The following SASH1 variants were observed in gnomAD, a reference collection of about 807,000 sequenced individuals.
The protein encoded by SASH1 is SAM and SH3 domain containing 1.
A neutral mutation model predicts 125.2 loss-of-function variants in SASH1; 44 were observed. That is an observed-to-expected ratio of 0.35 (90% CI 0.28 to 0.45). The LOEUF (loss-of-function observed/expected upper bound fraction) is 0.45. Ranked by LOEUF, SASH1 falls within the 20% of genes least tolerant of loss-of-function variation. SASH1 has a pLI of 1.00. For synonymous variants in SASH1, 639 were observed against 649.1 expected (o/e 0.98, Z 0.24); for missense variants, 1,426 against 1,614.5 (o/e 0.88, Z 2.00).
intron 1 of SASH1, among the ~76,000 whole-genome samples, chr6:148,299,671 G>GAAAAAAAAAAAA (rs57758957): frequency 0.054 from 6,090 of 113,658 alleles, 195 homozygotes; most frequent in African/African-American, 0.082. Context: ...CACCTCAAAA[G>GAAAAAAAAAAAA]AAAAAAAAAA....
chr6:148,405,632 C>A (rs1009689487), intron 2 of SASH1, among the ~76,000 whole-genome samples: 1 of 152,260 alleles, frequency 6.6e-6, no homozygotes, highest in South Asian at 2.1e-4. Flanking sequence ...CACCTAGAGC[C>A]CATCCTCACT....
At chr6:148,214,562 A>G in the SASH1 span, among the ~76,000 whole-genome samples, 1 of 152,170 alleles carries the variant, frequency 6.6e-6, no homozygotes, top group Non-Finnish European at 1.5e-5. Flanking sequence ...CTAGTTCAAT[A>G]TGTGTTTTCT....
Position 148,390,250 on chromosome 6 carries a change from G to C in SASH1, c.273G>C (p.Gln91His), listed in dbSNP as rs1416287531. The C allele has an allele frequency of 6.2e-7, 1 of 1,611,324 alleles. No homozygotes were observed. Among genetic ancestry groups the C allele is most frequent in the South Asian group, 1.1e-5 (1 of 90,962 alleles). The change falls in exon 2 of 20, where the codon CAG (glutamine) becomes CAC (histidine). Residue 91 changes from glutamine (Q) to histidine (H), a missense_variant. Around this residue, in one of 3 missense-constraint regions of SASH1, gnomAD observed 567 missense variants for 575.6 expected, o/e 0.99. Transcript: ENST00000367467. ...MEELRKRRVS[Q>H]DLEVEKPDAS... The stretch of plus-strand genomic sequence containing the variant: ...AGCTGCGGAAACGGCGGGTTTCCCA[G>C]GACCTGGAAGTGGTGAGTGGGGGTC...
At chr6:148,297,404 A>C (rs776446491) in intron 1 of SASH1, among the ~76,000 whole-genome samples, 5 of 152,236 alleles carry the variant, frequency 3.3e-5, no homozygotes, top group Non-Finnish European at 7.3e-5. Context: ...TTAAGATGAG[A>C]ACAATGATAC....
chr6:148,490,241 C>T (rs565559002), intron 8 of SASH1, among the ~76,000 whole-genome samples: 1 of 151,496 alleles, frequency 6.6e-6, no homozygotes, highest in South Asian at 2.1e-4. Flanking sequence ...AAGAGTATTG[C>T]TCTGTCACCC....
At chr6:148,514,011 G>T in intron 8 of SASH1, 1 of 1,033,602 alleles carries the variant, frequency 9.7e-7, no homozygotes, top group Non-Finnish European at 1.2e-6. Context: ...ATCGGAGGGA[G>T]AGTCCTGCTG....
At chr6:148,366,971 C>T (rs1272838573) in intron 1 of SASH1, among the ~76,000 whole-genome samples, 1 of 125,320 alleles carries the variant, frequency 8.0e-6, no homozygotes, top group Non-Finnish European at 1.6e-5. Flanking sequence ...TAGTGGGTAG[C>T]TTTTTTTTTT....
rs750769060 is a variant in SASH1, at chr6:148,546,134, G to A, written c.3468G>A (p.Gln1156=). The A allele has an allele frequency of 6.1e-5, 98 of 1,613,944 alleles. No homozygotes were observed. Among genetic ancestry groups the A allele is most frequent in the Non-Finnish European group, 5.9e-5 (70 of 1,179,984 alleles). ...DQIRVKQLRK[Q]HRMAIPSGGL... is the part of the protein sequence containing the mutation. ...TCCGGGTGAAGCAGCTTCGGAAGCA[G>A]CACCGCATGGCGGTGAGCAGCCCAC... Residue 1156 remains glutamine, a synonymous_variant, in exon 19 of 20, where the codon CAG becomes CAA. Coordinates refer to ENST00000367467, the MANE Select transcript of SASH1 (RefSeq NM_015278.5).
At chr6:148,463,201 G>A (rs1777693594) in intron 4 of SASH1, among the ~76,000 whole-genome samples, 1 of 151,668 alleles carries the variant, frequency 6.6e-6, no homozygotes, top group African/African-American at 2.4e-5. Flanking sequence ...CTGGAGTGCA[G>A]TGGCGCAATC....
rs754091249 is a variant in SASH1, at chr6:148,527,562, T to A, written c.1394T>A (p.Met465Lys). The A allele has an allele frequency of 1.2e-6, 2 of 1,611,052 alleles. No individual in the cohort carries two copies. Among genetic ancestry groups the A allele is most frequent in the Non-Finnish European group, 1.7e-6 (2 of 1,179,210 alleles). ...KSVKETMRKR[M>K]SKKYSSSVSE... The stretch of plus-strand genomic sequence containing the variant: ...GTGAAAGAGACGATGAGAAAGAGAA[T>A]GTCTAAAAAATACAGCAGCTCTGTC... The change falls in exon 12 of 20, where the codon ATG becomes AAG. Residue 465 changes from methionine (M) to lysine (K), a missense_variant. Met to Lys is a moderately conservative substitution (Grantham distance 95). This residue lies in a region of SASH1 where 225 missense variants were observed against 344.5 expected (regional missense o/e 0.65). Coordinates refer to ENST00000367467, the MANE Select transcript of SASH1 (RefSeq NM_015278.5).
chr6:148,309,107 T>C (rs562198270), intron 1 of SASH1, among the ~76,000 whole-genome samples: 4 of 125,388 alleles, frequency 3.2e-5, no homozygotes, highest in African/African-American at 1.2e-4. Flanking sequence ...AAAAAAAGAT[T>C]CTCTTTCTCT....
At chr6:148,491,064 T>C (rs17642486) in intron 8 of SASH1, among the ~76,000 whole-genome samples, 9,570 of 152,296 alleles carry the variant, frequency 0.063, 411 homozygotes, top group African/African-American at 0.12. Context: ...AGCGTATTTA[T>C]TGCTACCTAT....
At chr6:148,209,188 T>C in the SASH1 span, among the ~76,000 whole-genome samples, 1 of 152,274 alleles carries the variant, frequency 6.6e-6, no homozygotes, top group African/African-American at 2.4e-5. Flanking sequence ...AGTGTGAATC[T>C]GATGCCAGAT....
intron 2 of SASH1, among the ~76,000 whole-genome samples, chr6:148,403,318 T>C (rs1784250864): frequency 6.6e-6 from 1 of 152,024 alleles, no homozygotes; most frequent in African/African-American, 2.4e-5. Flanking sequence ...TTGCCTGGTC[T>C]GGCCTCGAAC....
At chr6:148,358,711 T>G (rs1782050903) in intron 1 of SASH1, among the ~76,000 whole-genome samples, 1 of 151,750 alleles carries the variant, frequency 6.6e-6, no homozygotes, top group Non-Finnish European at 1.5e-5. Context: ...TTTGGTTTCC[T>G]GTTTCCTAAT....
chr6:148,222,491 C>A, the SASH1 span, among the ~76,000 whole-genome samples: 8 of 152,008 alleles, frequency 5.3e-5, 1 homozygote, highest in African/African-American at 1.9e-4. Context: ...CACTTCAAAT[C>A]GCTTCTGCCC....
intron 9 of SASH1, 149 bp downstream of exon 9, chr6:148,514,605 G>A (rs1780339184): frequency 2.9e-6 from 3 of 1,030,778 alleles, no homozygotes; most frequent in Non-Finnish European, 4.0e-6. Flanking sequence ...GCAGGACTAT[G>A]CCTGCCAGCA....
At chr6:148,537,293 C>G (rs1270149767) in intron 16 of SASH1, among the ~76,000 whole-genome samples, 3 of 152,172 alleles carry the variant, frequency 2.0e-5, no homozygotes, top group Non-Finnish European at 4.4e-5. Context: ...TGGGAAAATG[C>G]CAGCCATCAT....
chr6:148,525,535 C>G (rs1781094428), intron 11 of SASH1, among the ~76,000 whole-genome samples, 170 bp downstream of exon 11: 1 of 152,174 alleles, frequency 6.6e-6, no homozygotes, highest in South Asian at 2.1e-4. Context: ...TCCACTGTTC[C>G]ACGTGGAATG....
Sources: allele counts gnomAD v4.1 joint callset (sites outside exome capture counted in the v4.1 genomes callset), GRCh38; gene constraint gnomAD v4.1.1; regional missense constraint gnomAD v4.1.1; transcripts MANE v1.5; gene names NCBI Gene and HGNC (gene_info 2026-07-23, HGNC 2026-07-21).